The following MTIF3 variants were observed in gnomAD, a reference collection of about 807,000 sequenced individuals.
MTIF3 encodes the protein mitochondrial translational initiation factor 3, also known as translation initiation factor IF-3, mitochondrial.
Under a neutral mutation model 20.7 loss-of-function variants are expected in MTIF3, and 13 were observed. The observed-to-expected ratio is 0.63, with a 90% confidence interval of 0.41 to 1.00. The LOEUF (loss-of-function observed/expected upper bound fraction) is 1.00, where lower values mean the gene tolerates loss of function less well. Ranked by LOEUF, MTIF3 falls within the 50% of genes least tolerant of loss-of-function variation. The pLI, the probability that MTIF3 is intolerant of heterozygous loss-of-function variation, is 0.00. For missense variants in MTIF3, 295 were observed against 324.5 expected, an observed-to-expected ratio of 0.91 and a Z score of 0.70; for synonymous variants, 114 against 112.5, an observed-to-expected ratio of 1.01 and a Z score of -0.08.
intron 3 of MTIF3, among the ~76,000 whole-genome samples, chr13:27,437,481 A>C (rs989084878): frequency 1.3e-5 from 2 of 152,234 alleles, no homozygotes; most frequent in Admixed American, 1.3e-4. Flanking sequence ...GGGTACTTAA[A>C]ATCTGAAATG....
At chr13:27,449,971 AAGGCCTCCTCCCGCAACAGC>A (rs1381815882) in intron 1 of MTIF3, 1 of 152,294 alleles carries the variant, frequency 6.6e-6, no homozygotes, top group East Asian at 1.9e-4. Flanking sequence ...CTTCCCCCAT[AAGGCCTCCTCCCGCAACAGC>A]AGGCAGCAAG....
chr13:27,440,105 C>G lies in MTIF3; in HGVS notation c.344G>C (p.Arg115Pro), dbSNP rs929939026. 6.2e-7 allele frequency: 1 copy of G among 1,614,162 alleles called. No homozygotes were observed. Among genetic ancestry groups the G allele is most frequent in the Non-Finnish European group, 8.5e-7 (1 of 1,180,034 alleles). ...TGTGCTGGTGTTCCTTTGAACCAGTCGCAGGTCTCGCTCATCCATAAGTCT... is the reference window on the plus strand; with the variant it reads ...TGTGCTGGTGTTCCTTTGAACCAGTGGCAGGTCTCGCTCATCCATAAGTCT... The part of the protein sequence containing the change: ...VIRLMDERDL[R>P]LVQRNTSTEP... The change falls in exon 3 of 5, where the codon CGA (arginine) becomes CCA (proline). Residue 115 changes from arginine to proline, a missense_variant. Arg to Pro is a moderately radical substitution (Grantham distance 103). Coordinates refer to ENST00000381120, the MANE Select transcript of MTIF3 (RefSeq NM_152912.5).
chr13:27,440,394 T>C lies in MTIF3; in HGVS notation c.55A>G (p.Ser19Gly), dbSNP rs1039577829. The change falls in exon 3 of 5, where the codon AGT becomes GGT. Residue 19 changes from serine (S) to glycine (G), a missense_variant. Transcript: ENST00000381120. ...LTLQTVKSENSCIRCFGKHIL... is the reference protein window; with the variant it reads ...LTLQTVKSENGCIRCFGKHIL... ...TGTTTACCAAAACATCTAATGCAAC[T>C]ATTTTCAGACTTTACAGTTTGTAGT... is the stretch of plus-strand genomic sequence containing the variant. 22 of 1,614,024 alleles carry C rather than the reference T, an allele frequency of 1.4e-5. No homozygotes were observed. The highest frequency in any genetic ancestry group is 1.9e-5 in the Non-Finnish European group (22 of 1,180,008).
chr13:27,449,271 G>A (rs1192629497), intron 1 of MTIF3, among the ~76,000 whole-genome samples: 1 of 152,010 alleles, frequency 6.6e-6, no homozygotes, highest in Non-Finnish European at 1.5e-5. Flanking sequence ...TGTCACCACC[G>A]TCAGTTTAAA....
chr13:27,440,417 A>T lies in MTIF3; in HGVS notation c.32T>A (p.Leu11Gln). ...ACTATTTTCAGACTTTACAGTTTGT[A>T]GTGTTAACCTCTTTAGAAAAAGAGC... Reference protein sequence around the residue: MAALFLKRLTLQTVKSENSCI... With the variant: MAALFLKRLTQQTVKSENSCI... The change falls in exon 3 of 5, where the codon CTA becomes CAA. Residue 11 changes from leucine to glutamine, a missense_variant. Coordinates refer to ENST00000381120, the MANE Select transcript of MTIF3 (RefSeq NM_152912.5). The T allele has an allele frequency of 5.6e-6, 9 of 1,611,044 alleles. No homozygotes were observed. The highest frequency in any genetic ancestry group is 7.6e-6 in the Non-Finnish European group (9 of 1,178,716).
At chr13:27,442,150 A>T (rs999917996) in intron 2 of MTIF3, among the ~76,000 whole-genome samples, 1 of 152,310 alleles carries the variant, frequency 6.6e-6, no homozygotes, top group South Asian at 2.1e-4. Context: ...TTTGCCTTCC[A>T]TGCAAAACTT....
At chr13:27,441,964 C>T (rs1423252436) in intron 2 of MTIF3, among the ~76,000 whole-genome samples, 1 of 152,198 alleles carries the variant, frequency 6.6e-6, no homozygotes, top group Admixed American at 6.5e-5. Flanking sequence ...AAGTGATGGA[C>T]ATGCATATTC....
At position 27,440,461 on chromosome 13, in the gene MTIF3, G is replaced by C; in HGVS notation, c.-1-12C>G. The C allele has an allele frequency of 1.3e-6, 2 of 1,560,832 alleles. No homozygotes were observed. Among genetic ancestry groups the C allele is most frequent in the Non-Finnish European group, 1.7e-6 (2 of 1,149,222 alleles). On this transcript the variant is annotated splice_polypyrimidine_tract_variant and intron_variant, in intron 2 of 4. Transcript: ENST00000381120. ...AAAGAGCAGCCATCCTAAGAAAGTAGTAAGAAGAGTTCATTAAAATTCAAT... is the reference window on the plus strand; with the variant it reads ...AAAGAGCAGCCATCCTAAGAAAGTACTAAGAAGAGTTCATTAAAATTCAAT...
chr13:27,450,019 G>C (rs1296667581), intron 1 of MTIF3: 2 of 152,342 alleles, frequency 1.3e-5, no homozygotes, highest in African/African-American at 2.4e-5. Context: ...CATTTGTCCA[G>C]CATGTCCTGC....
intron 4 of MTIF3, among the ~76,000 whole-genome samples, 174 bp downstream of exon 4, chr13:27,436,942 G>A (rs79023532): frequency 1.3e-5 from 2 of 151,568 alleles, no homozygotes; most frequent in Non-Finnish European, 1.5e-5. Flanking sequence ...TAGTAGAGAC[G>A]GGGTTTCACC....
chr13:27,438,509 T>TTTTTAAAA, intron 3 of MTIF3, among the ~76,000 whole-genome samples: 1 of 123,702 alleles, frequency 8.1e-6, no homozygotes, highest in Admixed American at 8.1e-5. Context: ...TTTTTTTTTT[T>TTTTTAAAA]AAACACAGGG....
chr13:27,447,114 C>G (rs74043906), intron 1 of MTIF3, among the ~76,000 whole-genome samples: 4,946 of 147,876 alleles, frequency 0.033, 265 homozygotes, highest in African/African-American at 0.11. Flanking sequence ...TCAGAAACCA[C>G]GGCCTGTCGG....
In MTIF3 at chr13:27,435,876, T is replaced by C. The variant is rs1566079298; in HGVS notation, c.636A>G (p.Gln212=). The change falls in exon 5 of 5, where the codon CAA becomes CAG. Residue 212 remains glutamine (Q), a synonymous_variant. Coordinates refer to ENST00000381120, the MANE Select transcript of MTIF3 (RefSeq NM_152912.5). The part of the protein sequence containing the change: ...SENEMEEIFH[Q]ILQTMPGIAT... ...CTATTCCAGGCATAGTCTGGAGTAT[T>C]TGATGAAATATCTCCTCCTAAAAAA... 3.1e-6 allele frequency: 5 copies of C among 1,612,156 alleles called. No individual in the cohort carries two copies. The highest frequency in any genetic ancestry group is 1.9e-4 in the Middle Eastern group (1 of 5,402).
chr13:27,440,546 G>T, intron 2 of MTIF3, 97 bp from the exon 3 acceptor site: 1 of 903,906 alleles, frequency 1.1e-6, no homozygotes, highest in Non-Finnish European at 1.7e-6. Flanking sequence ...GGTTGTGGAG[G>T]CTGTAACTGC....
chr13:27,447,225 T>C (rs887153553), intron 1 of MTIF3, among the ~76,000 whole-genome samples: 1 of 129,556 alleles, frequency 7.7e-6, no homozygotes, highest in Non-Finnish European at 1.7e-5. Flanking sequence ...AGATGAACTT[T>C]AAGAAAAAGA....
chr13:27,447,283 C>G (rs997155946), intron 1 of MTIF3, among the ~76,000 whole-genome samples: 5 of 150,920 alleles, frequency 3.3e-5, no homozygotes, highest in African/African-American at 9.8e-5. Context: ...AGCTAGGATG[C>G]CTGAGACTAC....
intron 2 of MTIF3, among the ~76,000 whole-genome samples, chr13:27,443,830 C>T (rs1954082790): frequency 6.6e-6 from 1 of 151,946 alleles, no homozygotes; most frequent in Admixed American, 6.6e-5. Context: ...GCAATTCATT[C>T]CCCTATTTTT....
chr13:27,441,844 G>C (rs1273976428), intron 2 of MTIF3, among the ~76,000 whole-genome samples: 2 of 152,160 alleles, frequency 1.3e-5, no homozygotes, highest in African/African-American at 4.8e-5. Context: ...TTTAAAACTG[G>C]AAGTTCCCTC....
At position 27,440,089 on chromosome 13, in the gene MTIF3, G is replaced by A. The variant is rs763555749; in HGVS notation, c.360C>T (p.Asn120=). The A allele has an allele frequency of 3.7e-6, 6 of 1,614,186 alleles. No homozygotes were observed. In the South Asian group the frequency reaches 5.5e-5, roughly 15 times the overall value. Residue 120 remains asparagine (N), a synonymous_variant, in exon 3 of 5, where the codon AAC becomes AAT. Transcript: ENST00000381120. ...DERDLRLVQR[N]TSTEPAEYQL... is the part of the protein sequence containing the mutation. Reference sequence around the variant, plus strand: ...GATACTCTGCAGGTTCTGTGCTGGTGTTCCTTTGAACCAGTCGCAGGTCTC... The same window carrying A: ...GATACTCTGCAGGTTCTGTGCTGGTATTCCTTTGAACCAGTCGCAGGTCTC...
Sources: allele counts gnomAD v4.1 joint callset (sites outside exome capture counted in the v4.1 genomes callset), GRCh38; gene constraint gnomAD v4.1.1; transcripts MANE v1.5; gene names NCBI Gene and HGNC (gene_info 2026-07-23, HGNC 2026-07-21).